Variants in ARB2A observed in about 807,000 individuals in gnomAD.
ARB2A encodes the protein ARB2 cotranscriptional regulator A.
chr5:93,812,858 T>C, the ARB2A span, among the ~76,000 whole-genome samples: 1 of 152,146 alleles, frequency 6.6e-6, no homozygotes, highest in African/African-American at 2.4e-5. Context: ...ATATAAGGTA[T>C]GGAAAAACTA....
At chr5:93,656,966 C>T in the ARB2A span, among the ~76,000 whole-genome samples, 2 of 152,204 alleles carry the variant, frequency 1.3e-5, no homozygotes, top group South Asian at 2.1e-4. Flanking sequence ...GGGTTAGTTG[C>T]CTAGCATGCG....
the ARB2A span, among the ~76,000 whole-genome samples, chr5:94,028,992 G>A: frequency 6.6e-6 from 1 of 152,044 alleles, no homozygotes; most frequent in Non-Finnish European, 1.5e-5. Flanking sequence ...GGGTGGCGGG[G>A]GGAGGGAGTG....
chr5:93,656,505 T>C, the ARB2A span, among the ~76,000 whole-genome samples: 1 of 152,168 alleles, frequency 6.6e-6, no homozygotes, highest in Non-Finnish European at 1.5e-5. Context: ...TCTGTATTAA[T>C]AGTATTCTCA....
the ARB2A span, among the ~76,000 whole-genome samples, chr5:93,854,679 G>T: frequency 2.6e-5 from 4 of 152,208 alleles, no homozygotes; most frequent in Admixed American, 6.5e-5. Flanking sequence ...TGGTTTCAAA[G>T]AACATCTTTA....
At chr5:93,680,971 T>C in the ARB2A span, among the ~76,000 whole-genome samples, 1 of 152,208 alleles carries the variant, frequency 6.6e-6, no homozygotes, top group Non-Finnish European at 1.5e-5. Flanking sequence ...CACAGTGATA[T>C]GTTTATGAAT....
At chr5:93,893,398 C>T in the ARB2A span, among the ~76,000 whole-genome samples, 108 of 152,290 alleles carry the variant, frequency 7.1e-4, no homozygotes, top group African/African-American at 2.4e-3. Flanking sequence ...AATCTGCTTA[C>T]ACTGGCAGAC....
the ARB2A span, chr5:93,910,829 T>G: frequency 5.9e-5 from 9 of 151,514 alleles, no homozygotes; most frequent in African/African-American, 2.2e-4. Flanking sequence ...ACATTTATAT[T>G]GCAATTTTCT....
the ARB2A span, among the ~76,000 whole-genome samples, chr5:93,853,602 G>A: frequency 2.0e-5 from 3 of 152,080 alleles, no homozygotes; most frequent in Non-Finnish European, 4.4e-5. Context: ...GTTTGTCATA[G>A]ATAGCTCTTA....
the ARB2A span, among the ~76,000 whole-genome samples, chr5:93,755,038 A>T: frequency 3.9e-5 from 6 of 152,226 alleles, no homozygotes; most frequent in African/African-American, 1.4e-4. Flanking sequence ...GTCCTATAGA[A>T]TTAGAATAAT....
chr5:94,061,121 C>T, the ARB2A span, among the ~76,000 whole-genome samples: 7 of 152,150 alleles, frequency 4.6e-5, no homozygotes, highest in South Asian at 1.5e-3. Context: ...GCCTGTAGTC[C>T]CAGCTACTCA....
chr5:93,696,148 A>T, the ARB2A span, among the ~76,000 whole-genome samples: 1 of 152,166 alleles, frequency 6.6e-6, no homozygotes, highest in Non-Finnish European at 1.5e-5. Flanking sequence ...ACAAACCTGC[A>T]CGTTCTGCAC....
At chr5:93,786,066 T>C in the ARB2A span, among the ~76,000 whole-genome samples, 1 of 152,178 alleles carries the variant, frequency 6.6e-6, no homozygotes, top group Admixed American at 6.5e-5. Context: ...TCTAGACCAA[T>C]TGTTGCTGAA....
the ARB2A span, among the ~76,000 whole-genome samples, chr5:93,984,537 T>C: frequency 6.6e-6 from 1 of 152,188 alleles, no homozygotes; most frequent in Non-Finnish European, 1.5e-5. Context: ...GTGCCATTGT[T>C]TATCCCCTAT....
chr5:93,903,120 C>T, the ARB2A span, among the ~76,000 whole-genome samples: 2 of 152,064 alleles, frequency 1.3e-5, no homozygotes, highest in African/African-American at 2.4e-5. Context: ...GCAATTTTGA[C>T]ATAGAGAGGT....
chr5:93,638,632 G>C, the ARB2A span, among the ~76,000 whole-genome samples: 1 of 150,674 alleles, frequency 6.6e-6, no homozygotes, highest in Non-Finnish European at 1.5e-5. Flanking sequence ...GACCAACATG[G>C]AGAAACCTGT....
chr5:93,925,206 G>T, the ARB2A span, among the ~76,000 whole-genome samples: 3 of 151,986 alleles, frequency 2.0e-5, no homozygotes, highest in Non-Finnish European at 4.4e-5. Flanking sequence ...TTACATCAAA[G>T]AAAACATCTA....
At chr5:94,043,017 T>G in the ARB2A span, among the ~76,000 whole-genome samples, 8 of 152,244 alleles carry the variant, frequency 5.3e-5, no homozygotes, top group South Asian at 6.2e-4. Context: ...CCTAAAATAT[T>G]TTGTCATCCA....
At chr5:93,691,997 G>C in the ARB2A span, among the ~76,000 whole-genome samples, 1 of 152,138 alleles carries the variant, frequency 6.6e-6, no homozygotes, top group African/African-American at 2.4e-5. Flanking sequence ...TCACCACCAG[G>C]CCTACCTTAC....
chr5:93,966,312 G>A, the ARB2A span, among the ~76,000 whole-genome samples: 1 of 151,948 alleles, frequency 6.6e-6, no homozygotes, highest in East Asian at 1.9e-4. Context: ...CCAAATACTT[G>A]AGACATAATC....
Sources: gnomAD v4.1 joint callset for allele counts (sites outside exome capture counted in the v4.1 genomes callset) on GRCh38, gnomAD v4.1.1 for gene constraint, MANE v1.5 for transcripts, NCBI Gene and HGNC (gene_info 2026-07-23, HGNC 2026-07-21) for gene names.